Variants in AGMO observed in about 807,000 individuals in gnomAD.
The protein encoded by AGMO is glyceryl-ether monooxygenase.
AGMO carries 75 observed loss-of-function variants against 60.2 expected under a neutral mutation model. That is an observed-to-expected ratio of 1.25 (90% CI 1.03 to 1.51). AGMO has a LOEUF of 1.51. Among genes scored for constraint, AGMO ranks in the 40% most tolerant of loss-of-function variants. The pLI, the probability that AGMO is intolerant of heterozygous loss-of-function variation, is 0.00. For synonymous variants in AGMO, 261 were observed against 177.1 expected (o/e 1.47, Z -3.76); for missense variants, 763 against 525.5 (o/e 1.45, Z -4.42).
At chr7:15,232,962 C>CA (rs764509051) in intron 12 of AGMO, among the ~76,000 whole-genome samples, 3 of 151,976 alleles carry the variant, frequency 2.0e-5, no homozygotes, top group Non-Finnish European at 4.4e-5. Flanking sequence ...GAAAACTGAA[C>CA]AAAGCATTTT....
intron 5 of AGMO, among the ~76,000 whole-genome samples, chr7:15,416,200 A>AT (rs1189855809): frequency 2.0e-5 from 3 of 151,230 alleles, no homozygotes; most frequent in African/African-American, 7.3e-5. Context: ...CACCCAACTA[A>AT]TTTTTGTATT....
At chr7:15,515,398 C>CT (rs1461606300) in intron 3 of AGMO, among the ~76,000 whole-genome samples, 11 of 152,164 alleles carry the variant, frequency 7.2e-5, no homozygotes, top group African/African-American at 2.7e-4. Context: ...CGGTTCCTTT[C>CT]TCCCCACTTC....
chr7:15,325,676 A>G (rs1781315498), intron 12 of AGMO, among the ~76,000 whole-genome samples: 1 of 152,194 alleles, frequency 6.6e-6, no homozygotes, highest in Non-Finnish European at 1.5e-5. Context: ...AAAAAGCAAA[A>G]TGCTTAAACT....
At chr7:15,386,777 T>C (rs916846984) in intron 9 of AGMO, among the ~76,000 whole-genome samples, 1 of 152,200 alleles carries the variant, frequency 6.6e-6, no homozygotes, top group Non-Finnish European at 1.5e-5. Flanking sequence ...ACAACTTATA[T>C]TCTAAATGAT....
At chr7:15,401,890 G>C (rs1467390636) in intron 5 of AGMO, among the ~76,000 whole-genome samples, 1 of 152,068 alleles carries the variant, frequency 6.6e-6, no homozygotes, top group African/African-American at 2.4e-5. Context: ...ATAGATGTCT[G>C]CATTTTGATG....
the AGMO span, among the ~76,000 whole-genome samples, chr7:15,149,297 G>C: frequency 6.6e-6 from 1 of 151,990 alleles, no homozygotes. Flanking sequence ...ACTTCTTTTA[G>C]CATGCAGAAG....
intron 12 of AGMO, among the ~76,000 whole-genome samples, chr7:15,343,427 C>A (rs1781928995): frequency 6.6e-6 from 1 of 152,052 alleles, no homozygotes; most frequent in African/African-American, 2.4e-5. Flanking sequence ...GGCAGACAGC[C>A]CCAAATCTTA....
At chr7:15,372,646 G>C (rs999447268) in intron 10 of AGMO, among the ~76,000 whole-genome samples, 3 of 151,974 alleles carry the variant, frequency 2.0e-5, no homozygotes, top group East Asian at 1.9e-4. Context: ...AAAAAAAATA[G>C]AATTTATAGG....
the AGMO span, among the ~76,000 whole-genome samples, chr7:15,118,175 CA>C: frequency 1.6e-5 from 1 of 63,534 alleles, no homozygotes; most frequent in Non-Finnish European, 4.5e-5. Flanking sequence ...TAAAGAGAAA[CA>C]CACACACACA....
intron 3 of AGMO, among the ~76,000 whole-genome samples, chr7:15,508,532 C>T (rs1432618863): frequency 6.6e-6 from 1 of 152,056 alleles, no homozygotes; most frequent in Non-Finnish European, 1.5e-5. Context: ...GGGTAATAAA[C>T]ATATGCAGGG....
the AGMO span, among the ~76,000 whole-genome samples, chr7:15,156,669 A>G: frequency 6.6e-6 from 1 of 152,312 alleles, no homozygotes; most frequent in East Asian, 1.9e-4. Flanking sequence ...GCCAGGAACA[A>G]GTCTTCATGC....
intron 12 of AGMO, among the ~76,000 whole-genome samples, chr7:15,312,199 A>G (rs565538844): frequency 9.2e-5 from 14 of 152,274 alleles, no homozygotes; most frequent in African/African-American, 3.1e-4. Flanking sequence ...GGTAGAGGCA[A>G]TATCAGAAGA....
intron 12 of AGMO, among the ~76,000 whole-genome samples, chr7:15,249,886 A>C (rs530535211): frequency 1.3e-5 from 2 of 152,304 alleles, no homozygotes; most frequent in East Asian, 3.9e-4. Flanking sequence ...TTAGCTTGAG[A>C]ACTTTAGGTT....
chr7:15,434,649 C>T (rs564096368), intron 3 of AGMO, among the ~76,000 whole-genome samples: 122 of 152,170 alleles, frequency 8.0e-4, no homozygotes, highest in African/African-American at 2.6e-3. Flanking sequence ...GATCCTTCTC[C>T]ATTTGAGCAT....
intron 2 of AGMO, among the ~76,000 whole-genome samples, chr7:15,549,062 A>T (rs1005099425): frequency 6.6e-6 from 1 of 150,842 alleles, no homozygotes. Flanking sequence ...TATCCAGCCA[A>T]ACTAAGCTTC....
intron 12 of AGMO, among the ~76,000 whole-genome samples, chr7:15,315,948 TTATC>T (rs1403795899): frequency 1.3e-5 from 2 of 152,138 alleles, no homozygotes; most frequent in African/African-American, 2.4e-5. Flanking sequence ...ACTATTTTGA[TTATC>T]TAGGGAAATA....
chr7:15,223,882 T>A (rs1204028610), intron 12 of AGMO, among the ~76,000 whole-genome samples: 2 of 151,644 alleles, frequency 1.3e-5, no homozygotes, highest in African/African-American at 4.9e-5. Flanking sequence ...AATATGTCAA[T>A]GTCACAAATG....
chr7:15,397,147 C>T (rs184739864), intron 5 of AGMO, among the ~76,000 whole-genome samples: 1 of 152,232 alleles, frequency 6.6e-6, no homozygotes, highest in Non-Finnish European at 1.5e-5. Context: ...CCAGAGGGAG[C>T]TCTCCCAGAC....
At chr7:15,445,370 T>C (rs1374220528) in intron 3 of AGMO, among the ~76,000 whole-genome samples, 1 of 152,220 alleles carries the variant, frequency 6.6e-6, no homozygotes, top group Non-Finnish European at 1.5e-5. Context: ...TCTCAAAGGA[T>C]ATTTTCTTCT....
Sources: gnomAD v4.1 joint callset for allele counts (sites outside exome capture counted in the v4.1 genomes callset) on GRCh38, gnomAD v4.1.1 for gene constraint, MANE v1.5 for transcripts, NCBI Gene and HGNC (gene_info 2026-07-23, HGNC 2026-07-21) for gene names.